The following CSMD1 variants were observed in gnomAD, a reference collection of about 807,000 sequenced individuals.
The protein encoded by CSMD1 is CUB and Sushi multiple domains 1.
In CSMD1, 213 loss-of-function variants were observed where a neutral mutation model predicts 417.5. The observed-to-expected ratio is 0.51, with a 90% confidence interval of 0.46 to 0.57. The LOEUF (loss-of-function observed/expected upper bound fraction) is 0.57. Ranked by LOEUF, CSMD1 falls within the 20% of genes least tolerant of loss-of-function variation. The pLI, the probability that CSMD1 is intolerant of heterozygous loss-of-function variation, is 0.00. For synonymous variants in CSMD1, 2,862 were observed against 1,736.8 expected, an observed-to-expected ratio of 1.65 and a Z score of -16.11; for missense variants, 6,923 against 4,529.7, an observed-to-expected ratio of 1.53 and a Z score of -15.17.
At chr8:3,950,055 G>A (rs1005958694) in intron 5 of CSMD1, 20 of 448,078 alleles carry the variant, frequency 4.5e-5, no homozygotes, top group Non-Finnish European at 8.5e-5. Flanking sequence ...GCTACAGACA[G>A]GACTGAGTTG....
At chr8:4,344,045 G>C (rs1031893097) in intron 3 of CSMD1, among the ~76,000 whole-genome samples, 1 of 152,154 alleles carries the variant, frequency 6.6e-6, no homozygotes, top group African/African-American at 2.4e-5. Flanking sequence ...AAATAGGTGT[G>C]TGTATGTGCG....
chr8:4,718,167 G>C (rs982416565), intron 1 of CSMD1, among the ~76,000 whole-genome samples: 7 of 152,168 alleles, frequency 4.6e-5, no homozygotes, highest in African/African-American at 1.7e-4. Context: ...TGTACAGACA[G>C]GGTCTACCTA....
intron 6 of CSMD1, among the ~76,000 whole-genome samples, chr8:3,745,292 A>G (rs995767437): frequency 6.6e-6 from 1 of 152,340 alleles, no homozygotes; most frequent in Non-Finnish European, 1.5e-5. Context: ...ACAACAGGAA[A>G]GAACATGATG....
intron 5 of CSMD1, among the ~76,000 whole-genome samples, chr8:3,849,770 GAT>G (rs1451629567): frequency 1.2e-4 from 18 of 152,140 alleles, no homozygotes; most frequent in African/African-American, 1.9e-4. Flanking sequence ...TTTGAGAAAT[GAT>G]ATGTTTTTAA....
At chr8:3,394,882 T>C (rs1007619467) in intron 17 of CSMD1, among the ~76,000 whole-genome samples, 1 of 152,212 alleles carries the variant, frequency 6.6e-6, no homozygotes, top group Admixed American at 6.5e-5. Context: ...ATTTGAAATT[T>C]GTCATTAAGT....
At chr8:4,317,093 G>A (rs753349348) in intron 3 of CSMD1, among the ~76,000 whole-genome samples, 12 of 152,140 alleles carry the variant, frequency 7.9e-5, no homozygotes, top group African/African-American at 2.9e-4. Flanking sequence ...GTTTATCACA[G>A]GCAAGAGGTT....
intron 2 of CSMD1, among the ~76,000 whole-genome samples, chr8:4,440,277 G>A (rs780697666): frequency 1.2e-4 from 18 of 152,108 alleles, no homozygotes; most frequent in African/African-American, 4.3e-4. Flanking sequence ...GATGCTCACA[G>A]CATTGGTACT....
chr8:3,223,252 C>A (rs1291789681), intron 28 of CSMD1, among the ~76,000 whole-genome samples: 1 of 152,170 alleles, frequency 6.6e-6, no homozygotes, highest in East Asian at 1.9e-4. Context: ...GTAACTCAGA[C>A]TTTACAGCAA....
chr8:3,372,128 G>A (rs1254380390), intron 18 of CSMD1, among the ~76,000 whole-genome samples: 2 of 152,206 alleles, frequency 1.3e-5, no homozygotes, highest in Non-Finnish European at 2.9e-5. Flanking sequence ...AAAGGGATGG[G>A]ATAGTGTGAG....
chr8:3,336,122 G>A (rs1470140327), intron 23 of CSMD1, among the ~76,000 whole-genome samples: 1 of 152,002 alleles, frequency 6.6e-6, no homozygotes, highest in East Asian at 1.9e-4. Context: ...CCATGGGCAG[G>A]TTTCTCCAAA....
intron 25 of CSMD1, among the ~76,000 whole-genome samples, chr8:3,292,521 T>C (rs563103499): frequency 3.3e-4 from 51 of 152,318 alleles, no homozygotes; most frequent in African/African-American, 8.2e-4. Flanking sequence ...CTGTATTGGG[T>C]ACATATATAT....
intron 1 of CSMD1, among the ~76,000 whole-genome samples, chr8:4,939,536 C>T (rs1294964790): frequency 1.3e-5 from 2 of 152,130 alleles, no homozygotes; most frequent in African/African-American, 4.8e-5. Context: ...ATGAAATGAG[C>T]CAGGCGCAGA....
At chr8:3,311,687 C>T (rs1345921327) in intron 23 of CSMD1, among the ~76,000 whole-genome samples, 1 of 152,098 alleles carries the variant, frequency 6.6e-6, no homozygotes, top group Non-Finnish European at 1.5e-5. Context: ...ACTTTTACAT[C>T]ATTATAAAGT....
At chr8:4,368,349 G>A (rs1802208828) in intron 3 of CSMD1, among the ~76,000 whole-genome samples, 1 of 152,048 alleles carries the variant, frequency 6.6e-6, no homozygotes, top group East Asian at 1.9e-4. Context: ...ACTTTATTGT[G>A]GTGAATTAGC....
chr8:2,961,248 C>T, intron 61 of CSMD1, 34 bp from the exon 62 acceptor site: 1 of 1,356,340 alleles, frequency 7.4e-7, no homozygotes, highest in Non-Finnish European at 1.0e-6. Context: ...AAAGAGGGCA[C>T]CAGATATAGT....
At chr8:4,674,178 G>A (rs1274201619) in intron 1 of CSMD1, among the ~76,000 whole-genome samples, 1 of 152,116 alleles carries the variant, frequency 6.6e-6, no homozygotes, top group Non-Finnish European at 1.5e-5. Flanking sequence ...TCGATCTAAT[G>A]GTCAGACCTC....
At position 3,811,187 on chromosome 8, in the gene CSMD1, A is replaced by T. The variant is rs1801053596; in HGVS notation, c.819-57145T>A. On this transcript the variant is annotated intron_variant, in intron 5 of 69. Transcript: ENST00000635120. Reference sequence around the variant, plus strand: ...ACTGTGAGATCTGAATTCTTTTTCTATTCGAATTATTTTTTAAGGGAGAAG... The same window carrying T: ...ACTGTGAGATCTGAATTCTTTTTCTTTTCGAATTATTTTTTAAGGGAGAAG... Among the ~76,000 whole-genome samples, 2 of 152,056 alleles carry T rather than the reference A, an allele frequency of 1.3e-5. 1 individual carries two copies. The highest frequency in any genetic ancestry group is 4.1e-4 in the South Asian group (2 of 4,824).
chr8:4,131,755 A>ATTTTTT (rs1563164352), intron 3 of CSMD1, among the ~76,000 whole-genome samples: 1 of 79,414 alleles, frequency 1.3e-5, no homozygotes. Flanking sequence ...TACAAATGTG[A>ATTTTTT]CTTTTTTTTT....
In CSMD1 at chr8:2,977,072, G is replaced by A. The variant is rs1471415957; in HGVS notation, c.8566+1540C>T. 9.3e-5 allele frequency among the ~76,000 whole-genome samples: 14 copies of A among 151,342 alleles called. No individual in the cohort carries two copies. The East Asian group carries it at 2.5e-3, about 27-fold the overall frequency. Reference sequence around the variant, plus strand: ...TTTTTTAAAAAAAAAAAGAAAGAAAGAAAAAAAGATTTAATAACAACTTTA... The same window carrying A: ...TTTTTTAAAAAAAAAAAGAAAGAAAAAAAAAAAGATTTAATAACAACTTTA... On this transcript the variant is annotated intron_variant, in intron 55 of 69. Transcript: ENST00000635120.
Sources: gnomAD v4.1 joint callset for allele counts (sites outside exome capture counted in the v4.1 genomes callset) on GRCh38, gnomAD v4.1.1 for gene constraint, MANE v1.5 for transcripts, NCBI Gene and HGNC (gene_info 2026-07-23, HGNC 2026-07-21) for gene names.